The following DNAH7 variants were observed in gnomAD, a reference collection of about 807,000 sequenced individuals.
DNAH7 encodes dynein axonemal heavy chain 7.
DNAH7 carries 397 observed loss-of-function variants against 444.6 expected under a neutral mutation model. The observed-to-expected ratio is 0.89, with a 90% confidence interval of 0.82 to 0.97. The LOEUF is 0.97. Ranked by LOEUF, DNAH7 falls within the 50% of genes least tolerant of loss-of-function variation. The probability of loss-of-function intolerance (pLI) is 0.00; values close to 1 mark genes in which losing one functional copy is unlikely to be tolerated. For missense variants in DNAH7, 4,902 were observed against 4,800.8 expected (o/e 1.02, Z -0.62); for synonymous variants, 1,636 against 1,624.4 (o/e 1.01, Z -0.17).
chr2:195,930,318 G>A (rs1344841708), intron 21 of DNAH7, among the ~76,000 whole-genome samples: 2 of 151,878 alleles, frequency 1.3e-5, no homozygotes, highest in Non-Finnish European at 2.9e-5. Context: ...CTCCAGCCTG[G>A]TGACAGAGCG....
chr2:195,861,685 GCTTA>G (rs1197093560), intron 42 of DNAH7, 28 bp downstream of exon 42: 6 of 1,493,310 alleles, frequency 4.0e-6, no homozygotes, highest in Non-Finnish European at 9.3e-7. Context: ...AATTGCCATA[GCTTA>G]CTTAGAAATA....
At chr2:195,876,844 C>G in intron 36 of DNAH7, 145 bp from the exon 37 acceptor site, 1 of 614,098 alleles carries the variant, frequency 1.6e-6, no homozygotes, top group South Asian at 2.1e-5. Flanking sequence ...GTAGGAATAA[C>G]AGTTACCATG....
chr2:195,857,326 C>A, intron 44 of DNAH7, 51 bp downstream of exon 44: 2 of 1,409,512 alleles, frequency 1.4e-6, no homozygotes, highest in South Asian at 1.5e-5. Flanking sequence ...TCTAACTGAC[C>A]AGAAGTGAAG....
intron 63 of DNAH7, among the ~76,000 whole-genome samples, chr2:195,743,857 T>C (rs1693204134): frequency 6.6e-6 from 1 of 152,328 alleles, no homozygotes; most frequent in South Asian, 2.1e-4. Flanking sequence ...TCAGCTATTA[T>C]AAATTAAGCC....
At chr2:196,004,936 C>G (rs1694266576) in intron 10 of DNAH7, among the ~76,000 whole-genome samples, 1 of 135,522 alleles carries the variant, frequency 7.4e-6, no homozygotes, top group Admixed American at 8.1e-5. Context: ...GCAGTCCTGC[C>G]TGGGCAACAG....
At chr2:195,776,339 A>G (rs1303711990) in intron 59 of DNAH7, among the ~76,000 whole-genome samples, 1 of 152,154 alleles carries the variant, frequency 6.6e-6, no homozygotes, top group Non-Finnish European at 1.5e-5. Flanking sequence ...GCTACTCAGG[A>G]GGCTGAGACA....
rs760463326 is a variant in DNAH7, at chr2:195,895,071, C to G, written c.4801G>C (p.Val1601Leu). The G allele has an allele frequency of 6.2e-7, 1 of 1,613,488 alleles. No homozygotes were observed. The highest frequency in any genetic ancestry group is 1.1e-5 in the South Asian group (1 of 91,000). The change falls in exon 30 of 65, where the codon GTG (valine) becomes CTG (leucine). Residue 1601 changes from valine to leucine, a missense_variant. By Grantham distance (32) the Val-to-Leu change is conservative. Coordinates refer to ENST00000312428, the MANE Select transcript of DNAH7 (RefSeq NM_018897.3). The stretch of plus-strand genomic sequence containing the variant: ...CCAACAATCATAAAACCATGACGCA[C>G]AATCATCATTTCATATACTTGAAGA... Reference protein sequence around the residue: ...KILQVYEMMIVRHGFMIVGEP... With the variant: ...KILQVYEMMILRHGFMIVGEP...
rs60564090 is a variant in DNAH7 at position 196,004,962 on chromosome 2, CAAAAAAA to C, written c.990-3111_990-3105del. ...TGGGCAACAGCATGAGGCCTTGTGT[CAAAAAAA>C]AAAAAAAAAAAAAAAAAAGGGCTGG... On this transcript the variant is annotated intron_variant, in intron 10 of 64. Transcript: ENST00000312428. 2.4e-4 allele frequency among the ~76,000 whole-genome samples: 15 copies of C among 63,692 alleles called. 1 individual carries two copies. The East Asian group carries it at 3.7e-3, about 16-fold the overall frequency. 41.8% of individuals were successfully genotyped at this position (63,692 alleles called of 152,430 possible). A position where few individuals can be genotyped will look rare whatever the true frequency, so the allele number is the denominator to read the frequency against.
chr2:195,789,823 A>C (rs1397954621), intron 57 of DNAH7, among the ~76,000 whole-genome samples: 1 of 152,170 alleles, frequency 6.6e-6, no homozygotes, highest in Non-Finnish European at 1.5e-5. Flanking sequence ...AGTCCTAGCC[A>C]GAGTAAACAG....
At chr2:196,035,336 A>G (rs1696319307) in intron 5 of DNAH7, among the ~76,000 whole-genome samples, 1 of 152,260 alleles carries the variant, frequency 6.6e-6, no homozygotes, top group African/African-American at 2.4e-5. Context: ...TTATTTTCAA[A>G]AAATATTGAT....
At chr2:195,888,673 G>A in intron 32 of DNAH7, 126 bp downstream of exon 32, 2 of 1,059,280 alleles carry the variant, frequency 1.9e-6, no homozygotes, top group African/African-American at 1.6e-5. Flanking sequence ...TGTACTTTGA[G>A]AATCACAGAT....
At chr2:195,738,820 C>T (rs1405794482) in intron 64 of DNAH7, among the ~76,000 whole-genome samples, 1 of 152,102 alleles carries the variant, frequency 6.6e-6, no homozygotes, top group African/African-American at 2.4e-5. Context: ...TAATAGCAAT[C>T]CTCGAGATGA....
At chr2:196,014,395 G>T (rs1694891290) in intron 9 of DNAH7, among the ~76,000 whole-genome samples, 1 of 152,062 alleles carries the variant, frequency 6.6e-6, no homozygotes, top group Non-Finnish European at 1.5e-5. Flanking sequence ...GAACCGAACA[G>T]CTCCAAATCA....
chr2:195,971,721 G>T (rs891634168), intron 16 of DNAH7, among the ~76,000 whole-genome samples: 7 of 152,042 alleles, frequency 4.6e-5, no homozygotes, highest in Admixed American at 4.6e-4. Context: ...AATGAGGCTG[G>T]ACAGTGAAAT....
At chr2:196,068,564 G>A (rs1301224534) in intron 1 of DNAH7, 133 bp downstream of exon 1, 13 of 1,201,552 alleles carry the variant, frequency 1.1e-5, no homozygotes, top group Non-Finnish European at 1.5e-5. Flanking sequence ...CAGGCCACAA[G>A]TGGGGTGAAG....
At chr2:195,752,331 A>G (rs192955657) in intron 63 of DNAH7, among the ~76,000 whole-genome samples, 38 of 151,708 alleles carry the variant, frequency 2.5e-4, no homozygotes, top group South Asian at 1.0e-3. Flanking sequence ...AGCCCTTGAT[A>G]TGAACAGATG....
At chr2:196,022,765 C>G in intron 8 of DNAH7, among the ~76,000 whole-genome samples, 1 of 152,164 alleles carries the variant, frequency 6.6e-6, no homozygotes, top group African/African-American at 2.4e-5. Flanking sequence ...TTGTATGAAT[C>G]ACAAATTTTC....
chr2:195,916,616 G>A (rs1382665635), intron 24 of DNAH7, among the ~76,000 whole-genome samples: 1 of 152,208 alleles, frequency 6.6e-6, no homozygotes, highest in Non-Finnish European at 1.5e-5. Flanking sequence ...CCAGCACTTT[G>A]GGAGGCCGAG....
At chr2:195,797,827 T>G (rs114583706) in intron 55 of DNAH7, among the ~76,000 whole-genome samples, 272 of 152,348 alleles carry the variant, frequency 1.8e-3, no homozygotes, top group African/African-American at 6.3e-3. Flanking sequence ...CTCAATGTCC[T>G]TAATGTGGCC....
Sources: gnomAD v4.1 joint callset for allele counts (sites outside exome capture counted in the v4.1 genomes callset) on GRCh38, gnomAD v4.1.1 for gene constraint, MANE v1.5 for transcripts, NCBI Gene and HGNC (gene_info 2026-07-23, HGNC 2026-07-21) for gene names.